AUTS2: variants seen among roughly 807,000 people sequenced by gnomAD.
AUTS2 encodes the protein activator of transcription and developmental regulator AUTS2, also known as autism susceptibility gene 2 protein.
AUTS2 carries 17 observed loss-of-function variants against 112.4 expected under a neutral mutation model. That is an observed-to-expected ratio of 0.15 (90% CI 0.10 to 0.23). The LOEUF (loss-of-function observed/expected upper bound fraction) is 0.23, where lower values mean the gene tolerates loss of function less well. Ranked by LOEUF, AUTS2 falls within the 10% of genes least tolerant of loss-of-function variation. The pLI is 1.00. For synonymous variants in AUTS2, 751 were observed against 702.7 expected, an observed-to-expected ratio of 1.07 and a Z score of -1.09; for missense variants, 1,510 against 1,701.6, an observed-to-expected ratio of 0.89 and a Z score of 1.98.
At chr7:70,007,926 G>T (rs1374395755) in intron 2 of AUTS2, among the ~76,000 whole-genome samples, 1 of 152,118 alleles carries the variant, frequency 6.6e-6, no homozygotes. Flanking sequence ...ATAGGTGTTT[G>T]GGGTGAATGA....
chr7:69,928,721 C>T (rs970411612), intron 2 of AUTS2, among the ~76,000 whole-genome samples: 6 of 152,180 alleles, frequency 3.9e-5, no homozygotes, highest in African/African-American at 1.4e-4. Context: ...GCTTCCCGAG[C>T]CCCCAAGAAC....
chr7:70,294,329 A>C (rs1380563807), intron 4 of AUTS2: 1 of 152,196 alleles, frequency 6.6e-6, no homozygotes, highest in East Asian at 1.9e-4. Context: ...CATATTCTGT[A>C]ACTGTACACA....
chr7:70,417,354 G>A (rs1356336095), intron 4 of AUTS2, among the ~76,000 whole-genome samples: 1 of 152,196 alleles, frequency 6.6e-6, no homozygotes, highest in African/African-American at 2.4e-5. Context: ...GCCCTTGATG[G>A]CAGCACATCA....
chr7:70,309,224 T>C (rs1198144546), intron 4 of AUTS2, among the ~76,000 whole-genome samples: 1 of 152,228 alleles, frequency 6.6e-6, no homozygotes, highest in African/African-American at 2.4e-5. Flanking sequence ...TTATACTATA[T>C]TAATTTACAC....
At chr7:70,280,558 A>G (rs1185720831) in intron 4 of AUTS2, among the ~76,000 whole-genome samples, 2 of 151,560 alleles carry the variant, frequency 1.3e-5, no homozygotes, top group Admixed American at 1.3e-4. Flanking sequence ...GGCCTCGTAA[A>G]GTGCTGGGAT....
intron 1 of AUTS2, chr7:69,663,393 T>C (rs1290497503): frequency 6.6e-6 from 1 of 152,154 alleles, no homozygotes; most frequent in African/African-American, 2.4e-5. Context: ...ATGCTTCATA[T>C]GTGATGTGCC....
At chr7:69,655,455 G>C (rs919285194) in intron 1 of AUTS2, among the ~76,000 whole-genome samples, 4 of 152,232 alleles carry the variant, frequency 2.6e-5, no homozygotes, top group African/African-American at 9.6e-5. Flanking sequence ...CAGTCCAGAA[G>C]TGTCAGCGTC....
At chr7:69,826,334 G>A (rs185939677) in intron 1 of AUTS2, among the ~76,000 whole-genome samples, 197 of 152,230 alleles carry the variant, frequency 1.3e-3, no homozygotes, top group African/African-American at 4.6e-3. Flanking sequence ...TTTAAGATGC[G>A]GCAAGGTTAA....
chr7:70,363,029 A>C (rs920363749), intron 4 of AUTS2, among the ~76,000 whole-genome samples: 1 of 152,244 alleles, frequency 6.6e-6, no homozygotes, highest in African/African-American at 2.4e-5. Flanking sequence ...ATATTCTCTC[A>C]GTCTTTCCCT....
chr7:69,921,169 C>G (rs1451587790), intron 2 of AUTS2, among the ~76,000 whole-genome samples: 1 of 151,968 alleles, frequency 6.6e-6, no homozygotes, highest in African/African-American at 2.4e-5. Context: ...AAAATAAATG[C>G]CTATGTGTTT....
At chr7:69,746,590 T>C (rs1787505678) in intron 1 of AUTS2, among the ~76,000 whole-genome samples, 1 of 152,138 alleles carries the variant, frequency 6.6e-6, no homozygotes. Flanking sequence ...GTGGAGACAC[T>C]GCAAGGTACA....
At chr7:70,323,889 T>C (rs1790369089) in intron 4 of AUTS2, among the ~76,000 whole-genome samples, 1 of 152,188 alleles carries the variant, frequency 6.6e-6, no homozygotes, top group Admixed American at 6.5e-5. Flanking sequence ...CCATTAAATA[T>C]AGGTGATTCA....
intron 6 of AUTS2, among the ~76,000 whole-genome samples, chr7:70,727,784 C>G (rs972987381): frequency 6.6e-6 from 1 of 152,214 alleles, no homozygotes; most frequent in Non-Finnish European, 1.5e-5. Context: ...CAGACCTGAC[C>G]TAACAAGTTA....
At chr7:69,767,057 G>A (rs898037079) in intron 1 of AUTS2, among the ~76,000 whole-genome samples, 1 of 152,234 alleles carries the variant, frequency 6.6e-6, no homozygotes, top group African/African-American at 2.4e-5. Context: ...CATAGGTCGC[G>A]CATGTGCGCA....
chr7:70,134,597 T>C, intron 4 of AUTS2, 26 bp downstream of exon 4: 1 of 1,610,824 alleles, frequency 6.2e-7, no homozygotes, highest in Non-Finnish European at 8.5e-7. Flanking sequence ...CTTCCACATA[T>C]GTGCCTTGCA....
chr7:69,876,380 ATATG>A (rs1379313400), intron 1 of AUTS2, among the ~76,000 whole-genome samples: 7 of 112,106 alleles, frequency 6.2e-5, no homozygotes, highest in African/African-American at 1.4e-4. Flanking sequence ...ATATATATAT[ATATG>A]TATATATAAT....
chr7:70,390,713 C>T (rs949553082), intron 4 of AUTS2, among the ~76,000 whole-genome samples: 2 of 151,908 alleles, frequency 1.3e-5, no homozygotes, highest in African/African-American at 2.4e-5. Context: ...AAGGGGCCAG[C>T]GAAGATGGGA....
At chr7:70,040,647 C>T (rs536267572) in intron 2 of AUTS2, among the ~76,000 whole-genome samples, 1 of 152,236 alleles carries the variant, frequency 6.6e-6, no homozygotes, top group African/African-American at 2.4e-5. Context: ...GTGGGACCAC[C>T]CAGGAACCTC....
intron 2 of AUTS2, among the ~76,000 whole-genome samples, chr7:70,108,870 G>A (rs964687668): frequency 2.0e-5 from 3 of 150,868 alleles, no homozygotes; most frequent in South Asian, 2.1e-4. Flanking sequence ...AACCTGCCTC[G>A]GCTTCCGAAA....
Sources: allele counts gnomAD v4.1 joint callset (sites outside exome capture counted in the v4.1 genomes callset), GRCh38; gene constraint gnomAD v4.1.1; transcripts MANE v1.5; gene names NCBI Gene and HGNC (gene_info 2026-07-23, HGNC 2026-07-21).